Variants in ITFG1 observed in about 807,000 individuals in gnomAD.
ITFG1 encodes integrin alpha FG-GAP repeat containing 1, also known as T-cell immunomodulatory protein.
ITFG1 carries 34 observed loss-of-function variants against 81.8 expected under a neutral mutation model. The observed-to-expected ratio is 0.42, with a 90% CI of 0.32 to 0.55. The LOEUF (loss-of-function observed/expected upper bound fraction) is 0.55, where lower values mean the gene tolerates loss of function less well. Among genes scored for constraint, ITFG1 ranks in the 20% least tolerant of loss-of-function variants. The pLI is 0.17. For missense variants in ITFG1, 672 were observed against 755.4 expected (o/e 0.89, Z 1.29); for synonymous variants, 285 against 270.6 (o/e 1.05, Z -0.52).
At chr16:47,192,934 G>A (rs1048605827) in intron 14 of ITFG1, among the ~76,000 whole-genome samples, 1 of 152,084 alleles carries the variant, frequency 6.6e-6, no homozygotes, top group African/African-American at 2.4e-5. Context: ...TTAGTCAATC[G>A]CCCTTGAAGT....
intron 8 of ITFG1, among the ~76,000 whole-genome samples, chr16:47,363,547 C>T (rs56162215): frequency 6.6e-6 from 1 of 152,060 alleles, no homozygotes; most frequent in Non-Finnish European, 1.5e-5. Flanking sequence ...ACAACCTTTT[C>T]TAAATGAGTC....
intron 6 of ITFG1, among the ~76,000 whole-genome samples, chr16:47,402,898 C>T (rs913680187): frequency 1.3e-5 from 2 of 152,116 alleles, no homozygotes; most frequent in African/African-American, 4.8e-5. Flanking sequence ...CAACTACAAA[C>T]TATCTGAACC....
intron 14 of ITFG1, among the ~76,000 whole-genome samples, chr16:47,166,183 C>T (rs1964887714): frequency 6.6e-6 from 1 of 152,188 alleles, no homozygotes; most frequent in African/African-American, 2.4e-5. Context: ...CTGGAGACTT[C>T]ATCTTCATGA....
chr16:47,290,049 A>AAC (rs1966888930), intron 10 of ITFG1, among the ~76,000 whole-genome samples: 1 of 152,170 alleles, frequency 6.6e-6, no homozygotes, highest in Non-Finnish European at 1.5e-5. Context: ...AACCCATTTA[A>AAC]GATACCTTCT....
In ITFG1 at chr16:47,375,861, G is replaced by A. The variant is rs1567478924; in HGVS notation, c.720+15C>T. 1 of 1,518,656 alleles carries A rather than the reference G, an allele frequency of 6.6e-7. No homozygotes were observed. Among genetic ancestry groups the A allele is most frequent in the Admixed American group, 1.7e-5 (1 of 59,800 alleles). 94.1% of individuals were successfully genotyped at this position (1,518,656 alleles called of 1,614,324 possible). A position where few individuals can be genotyped will look rare whatever the true frequency, so the allele number is the denominator to read the frequency against. On this transcript the variant is annotated intron_variant, in intron 7 of 17. Transcript: ENST00000320640. ...AGCCATCATTTTAAAATGCTTCAAG[G>A]AAAAGATTTCTTACCAAATTTTCCC...
intron 6 of ITFG1, among the ~76,000 whole-genome samples, chr16:47,412,559 T>A (rs575759775): frequency 9.9e-5 from 15 of 151,794 alleles, no homozygotes; most frequent in Non-Finnish European, 1.9e-4. Context: ...CAGGATATGG[T>A]GGTGTGTGCC....
intron 6 of ITFG1, among the ~76,000 whole-genome samples, chr16:47,425,117 G>A (rs1018736629): frequency 2.0e-5 from 3 of 152,110 alleles, no homozygotes; most frequent in African/African-American, 7.2e-5. Context: ...AGGCCGCTTT[G>A]TTTACACTGT....
At chr16:47,305,084 T>C (rs773337763) in intron 10 of ITFG1, among the ~76,000 whole-genome samples, 18 of 152,100 alleles carry the variant, frequency 1.2e-4, no homozygotes, top group Non-Finnish European at 2.5e-4. Flanking sequence ...ATATGGAAAA[T>C]GATGAAATTT....
intron 10 of ITFG1, among the ~76,000 whole-genome samples, chr16:47,287,879 A>T (rs1966876269): frequency 6.6e-6 from 1 of 152,236 alleles, no homozygotes; most frequent in Non-Finnish European, 1.5e-5. Context: ...AGTGAGCATT[A>T]ACCTCTTCTG....
intron 14 of ITFG1, among the ~76,000 whole-genome samples, chr16:47,194,438 G>A (rs1030606628): frequency 2.6e-5 from 4 of 152,150 alleles, no homozygotes; most frequent in African/African-American, 4.8e-5. Flanking sequence ...TTTCTAGGAC[G>A]TCTTGTAGAA....
intron 6 of ITFG1, among the ~76,000 whole-genome samples, chr16:47,408,802 G>A (rs567246717): frequency 7.2e-5 from 11 of 152,276 alleles, no homozygotes; most frequent in African/African-American, 2.6e-4. Flanking sequence ...GCGTAGGGCA[G>A]GAGTTTGCAA....
At chr16:47,376,713 C>A (rs114568337) in intron 6 of ITFG1, among the ~76,000 whole-genome samples, 1 of 152,044 alleles carries the variant, frequency 6.6e-6, no homozygotes, top group African/African-American at 2.4e-5. Context: ...ACTGGCAGGG[C>A]GCTGTGGCTC....
intron 6 of ITFG1, among the ~76,000 whole-genome samples, chr16:47,425,585 G>A (rs1042158665): frequency 1.3e-4 from 19 of 144,290 alleles, no homozygotes; most frequent in Admixed American, 4.1e-4. Flanking sequence ...TGGAAGTGAC[G>A]CTCCTTTTTT....
chr16:47,456,049 G>C (rs758138678), intron 2 of ITFG1, among the ~76,000 whole-genome samples: 1 of 152,008 alleles, frequency 6.6e-6, no homozygotes, highest in Non-Finnish European at 1.5e-5. Flanking sequence ...ATAATGCCTA[G>C]CATAATAAGT....
rs1296480994 is a variant in ITFG1, at chr16:47,345,714, G to A, written c.802+20074C>T. ...TGGACAAGGTTGCTGTAGGCAATTT[G>A]TAACATAATGATGAGTATTTGTGTG... On this transcript the variant is annotated intron_variant, in intron 8 of 17. Coordinates refer to ENST00000320640, the MANE Select transcript of ITFG1 (RefSeq NM_030790.5). 3.9e-5 allele frequency among the ~76,000 whole-genome samples: 6 copies of A among 152,190 alleles called. No homozygotes were observed. In the East Asian group the frequency reaches 1.2e-3, roughly 29 times the overall value.
chr16:47,233,116 G>T (rs765516690), intron 13 of ITFG1, among the ~76,000 whole-genome samples: 1 of 152,282 alleles, frequency 6.6e-6, no homozygotes, highest in Non-Finnish European at 1.5e-5. Context: ...TGCAAGGAGA[G>T]CTTCCAGTTT....
chr16:47,372,729 A>G (rs1968273416), intron 7 of ITFG1, among the ~76,000 whole-genome samples: 1 of 152,190 alleles, frequency 6.6e-6, no homozygotes, highest in South Asian at 2.1e-4. Context: ...CTGGGATTAC[A>G]GGTGTGAGCT....
rs575312499 is a variant in ITFG1, at chr16:47,229,852, C to G, written c.1374+8113G>C. On this transcript the variant is annotated intron_variant, in intron 13 of 17. Transcript: ENST00000320640. ...GATCACTTAAAGAGTTTAGAGTAGT[C>G]GCCGCTCATGTGCGGTTTCATGTCC... 2.0e-5 allele frequency among the ~76,000 whole-genome samples: 3 copies of G among 152,222 alleles called. No individual in the cohort carries two copies. In the East Asian group the frequency reaches 5.8e-4, roughly 29 times the overall value.
chr16:47,201,061 A>G (rs896225776), intron 14 of ITFG1, among the ~76,000 whole-genome samples: 8 of 152,212 alleles, frequency 5.3e-5, no homozygotes, highest in East Asian at 1.9e-4. Context: ...AATAAGGAGA[A>G]TATTTGTTCT....
Sources: gnomAD v4.1 joint callset for allele counts (sites outside exome capture counted in the v4.1 genomes callset) on GRCh38, gnomAD v4.1.1 for gene constraint, MANE v1.5 for transcripts, NCBI Gene and HGNC (gene_info 2026-07-23, HGNC 2026-07-21) for gene names.